The following SLC25A38 variants were observed in gnomAD, a reference collection of about 807,000 sequenced individuals.
SLC25A38 encodes the protein mitochondrial glycine transporter.
A neutral mutation model predicts 33.4 loss-of-function variants in SLC25A38; 27 were observed. The observed-to-expected ratio is 0.81, with a 90% CI of 0.60 to 1.11. The LOEUF is 1.11. Ranked by LOEUF, SLC25A38 falls within the 50% of genes most tolerant of loss-of-function variation. The pLI is 0.00. For synonymous variants in SLC25A38, 123 were observed against 145.9 expected, an observed-to-expected ratio of 0.84 and a Z score of 1.13; for missense variants, 344 against 388.8, an observed-to-expected ratio of 0.88 and a Z score of 0.97.
In SLC25A38 at chr3:39,389,437, G is replaced by C; in HGVS notation, c.70-58G>C. The stretch of plus-strand genomic sequence containing the variant: ...TAAAGGAATTTGCTGGTCAGGTATA[G>C]AGAAAGGTGAGGCTCACACAGGCAG... On this transcript the variant is annotated intron_variant, in intron 1 of 6. Transcript: ENST00000650617. The surrounding 1 kb of genome is among the most constrained non-coding windows in gnomAD (Gnocchi z 4.5). 2 of 1,614,022 alleles carry C rather than the reference G, an allele frequency of 1.2e-6. No homozygotes were observed. Among genetic ancestry groups the C allele is most frequent in the Non-Finnish European group, 1.7e-6 (2 of 1,179,944 alleles).
Position 39,396,461 on chromosome 3 carries a change from G to A in SLC25A38, c.856G>A (p.Ala286Thr). Reference sequence around the variant, plus strand: ...CCGAGCCCTCCGCAGAACTCTAATGGCAGCAATGGCGTGGACGGTGTATGA... The same window carrying A: ...CCGAGCCCTCCGCAGAACTCTAATGACAGCAATGGCGTGGACGGTGTATGA... The part of the protein sequence containing the change: ...IPRALRRTLM[A>T]AMAWTVYEEM... Residue 286 changes from alanine to threonine, a missense_variant, in exon 7 of 7, where the codon GCA becomes ACA. Physicochemically the swap from Ala to Thr is moderately conservative, Grantham distance 58. Around this residue, in one of 2 missense-constraint regions of SLC25A38, gnomAD observed 75 missense variants for 117.0 expected, o/e 0.64. Transcript: ENST00000650617. 1 of 1,614,120 alleles carries A rather than the reference G, an allele frequency of 6.2e-7. No homozygotes were observed. The highest frequency in any genetic ancestry group is 8.5e-7 in the Non-Finnish European group (1 of 1,180,036).
chr3:39,390,636 C>G lies in SLC25A38; in HGVS notation c.276+129C>G, dbSNP rs532227647. 642 of 889,682 alleles carry G rather than the reference C, an allele frequency of 7.2e-4. 7 individuals carry two copies. The highest frequency in any genetic ancestry group is 6.4e-3 in the South Asian group (464 of 73,030). 55.1% of individuals were successfully genotyped at this position (889,682 alleles called of 1,614,324 possible). A position where few individuals can be genotyped will look rare whatever the true frequency, so the allele number is the denominator to read the frequency against. ...GGTGGGAGTACCTATGTGGTCTTAT[C>G]TCTCATACTACAACTAACTTCTGTT... On this transcript the variant is annotated intron_variant, in intron 3 of 6. Coordinates refer to ENST00000650617, the MANE Select transcript of SLC25A38 (RefSeq NM_017875.4).
Position 39,383,485 on chromosome 3 carries a change from C to T in SLC25A38, c.-240C>T, listed in dbSNP as rs1370382585. On this transcript the variant is annotated 5_prime_UTR_variant, in exon 1 of 7. Transcript: ENST00000650617. ...GAGCAGAGCCGCGGAGTCTGCGGCG[C>T]GGGTGAAGAGCGGCGCGTAATTCCC... 4 of 564,290 alleles carry T rather than the reference C, an allele frequency of 7.1e-6. No individual in the cohort carries two copies. Among genetic ancestry groups the T allele is most frequent in the South Asian group, 4.0e-5 (2 of 49,746 alleles). 35.0% of individuals were successfully genotyped at this position (564,290 alleles called of 1,614,324 possible).
Position 39,383,454 on chromosome 3 carries a change from G to A in SLC25A38, c.-271G>A. On this transcript the variant is annotated 5_prime_UTR_variant, in exon 1 of 7. Coordinates refer to ENST00000650617, the MANE Select transcript of SLC25A38 (RefSeq NM_017875.4). ...TGAAGCCTGCAGCAGGGCAGGATGG[G>A]CAGGAGAGCAGAGCCGCGGAGTCTG... The A allele has an allele frequency of 1.9e-6, 1 of 516,494 alleles. No homozygotes were observed. The highest frequency in any genetic ancestry group is 3.2e-5 in the Admixed American group (1 of 31,082). The allele number at this position is 516,494 out of a possible 1,614,324, so 32.0% of individuals were successfully genotyped here.
intron 5 of SLC25A38, among the ~76,000 whole-genome samples, chr3:39,392,572 G>A (rs1441114776): frequency 6.6e-6 from 1 of 151,920 alleles, no homozygotes; most frequent in African/African-American, 2.4e-5. Context: ...AGTGGGGGAG[G>A]CCCACCCCAC....
At chr3:39,384,660 A>G (rs868637323) in intron 1 of SLC25A38, 7 of 398,068 alleles carry the variant, frequency 1.8e-5, no homozygotes, top group South Asian at 1.3e-4. Context: ...GGCAGTAGGA[A>G]TTGCTTGTGG....
intron 1 of SLC25A38, among the ~76,000 whole-genome samples, chr3:39,384,255 C>G (rs1270883269): frequency 6.6e-6 from 1 of 152,220 alleles, no homozygotes; most frequent in East Asian, 1.9e-4. Flanking sequence ...AGGGGCCAGT[C>G]GTGGCGGCAC....
intron 6 of SLC25A38, 61 bp downstream of exon 6, chr3:39,394,637 A>T: frequency 1.3e-6 from 2 of 1,592,624 alleles, no homozygotes; most frequent in Non-Finnish European, 1.7e-6. Context: ...CTAGAGCAGT[A>T]GTTCTTACCC....
In SLC25A38 at chr3:39,383,637, C is replaced by G; in HGVS notation, c.-88C>G. 6.7e-7 allele frequency: 1 copy of G among 1,499,708 alleles called. No individual in the cohort carries two copies. Among genetic ancestry groups the G allele is most frequent in the Non-Finnish European group, 9.3e-7 (1 of 1,080,220 alleles). 92.9% of individuals were successfully genotyped at this position (1,499,708 alleles called of 1,614,324 possible). A position where few individuals can be genotyped will look rare whatever the true frequency, so the allele number is the denominator to read the frequency against. ...AGCGCGTCGCCTGGCTAGCGCCACC[C>G]CCTAGCCTTCTTCAAGGCCTCCAGG... is the stretch of plus-strand genomic sequence containing the variant. On this transcript the variant is annotated 5_prime_UTR_variant, in exon 1 of 7. Coordinates refer to ENST00000650617, the MANE Select transcript of SLC25A38 (RefSeq NM_017875.4).
At chr3:39,391,325 C>A in intron 3 of SLC25A38, 116 bp from the exon 4 acceptor site, 1 of 1,429,346 alleles carries the variant, frequency 7.0e-7, no homozygotes. Context: ...TCCTTCCACA[C>A]CTTAAACAAA....
intron 1 of SLC25A38, among the ~76,000 whole-genome samples, chr3:39,387,390 T>C (rs2041718213): frequency 6.6e-6 from 1 of 152,296 alleles, no homozygotes; most frequent in Admixed American, 6.5e-5. Flanking sequence ...GTTGGCATAG[T>C]TGAGGCTGGA....
intron 1 of SLC25A38, chr3:39,384,477 T>G (rs1296846036): frequency 1.6e-5 from 6 of 383,158 alleles, no homozygotes; most frequent in Non-Finnish European, 2.3e-5. Flanking sequence ...GCTCTCCCTC[T>G]GAGGTCTTGC....
Position 39,383,470 on chromosome 3 carries a change from G to A in SLC25A38, c.-255G>A, listed in dbSNP as rs2125571352. ...GCAGGATGGGCAGGAGAGCAGAGCC[G>A]CGGAGTCTGCGGCGCGGGTGAAGAG... is the stretch of plus-strand genomic sequence containing the variant. On this transcript the variant is annotated 5_prime_UTR_variant, in exon 1 of 7. Transcript: ENST00000650617. 2 of 541,820 alleles carry A rather than the reference G, an allele frequency of 3.7e-6. No individual in the cohort carries two copies. The highest frequency in any genetic ancestry group is 6.7e-6 in the Non-Finnish European group (2 of 300,240). The allele number at this position is 541,820 out of a possible 1,614,324, so 33.6% of individuals were successfully genotyped here. A position where few individuals can be genotyped will look rare whatever the true frequency, so the allele number is the denominator to read the frequency against.
At chr3:39,384,491 C>T (rs1177018903) in intron 1 of SLC25A38, 1 of 385,918 alleles carries the variant, frequency 2.6e-6, no homozygotes, top group African/African-American at 2.1e-5. Flanking sequence ...GTCTTGCGCC[C>T]GAGGTAGGGG....
chr3:39,390,980 TATA>T (rs1179455387), intron 3 of SLC25A38, among the ~76,000 whole-genome samples: 2 of 152,252 alleles, frequency 1.3e-5, no homozygotes, highest in African/African-American at 2.4e-5. Flanking sequence ...AGGCCAGTTA[TATA>T]ACTCACTGTA....
intron 5 of SLC25A38, among the ~76,000 whole-genome samples, 155 bp from the exon 6 acceptor site, chr3:39,394,255 T>G (rs2125582652): frequency 6.6e-6 from 1 of 152,352 alleles, no homozygotes; most frequent in Admixed American, 6.5e-5. Context: ...TCCATCCACA[T>G]AAATTTACTA....
chr3:39,391,898 A>G lies in SLC25A38; in HGVS notation c.502A>G (p.Ile168Val). The G allele has an allele frequency of 6.2e-7, 1 of 1,614,128 alleles. No individual in the cohort carries two copies. The highest frequency in any genetic ancestry group is 8.5e-7 in the Non-Finnish European group (1 of 1,180,018). ...GAGTATCTACGCTGCCCTGAGGAGC[A>G]TCTATCACAGTGAGGGGCACCGGGG... is the stretch of plus-strand genomic sequence containing the variant. ...YESIYAALRS[I>V]YHSEGHRGLF... The change falls in exon 5 of 7, where the codon ATC (isoleucine) becomes GTC (valine). Residue 168 changes from isoleucine to valine, a missense_variant. Physicochemically the swap from Ile to Val is conservative, Grantham distance 29. Coordinates refer to ENST00000650617, the MANE Select transcript of SLC25A38 (RefSeq NM_017875.4).
chr3:39,386,548 C>T (rs1421677599), intron 1 of SLC25A38, among the ~76,000 whole-genome samples: 2 of 152,198 alleles, frequency 1.3e-5, no homozygotes, highest in Non-Finnish European at 2.9e-5. Flanking sequence ...ACACTCCAGC[C>T]TAGGCATCAG....
chr3:39,390,806 C>A (rs908769349), intron 3 of SLC25A38, among the ~76,000 whole-genome samples: 2 of 152,154 alleles, frequency 1.3e-5, no homozygotes, highest in Non-Finnish European at 2.9e-5. Context: ...GGGATGGTAC[C>A]TCCACACCAG....
Sources: allele counts gnomAD v4.1 joint callset (sites outside exome capture counted in the v4.1 genomes callset), GRCh38; gene constraint gnomAD v4.1.1; regional missense constraint gnomAD v4.1.1; non-coding constraint Gnocchi (gnomAD v3.1); transcripts MANE v1.5; gene names NCBI Gene and HGNC (gene_info 2026-07-23, HGNC 2026-07-21).